COL9A2: variants seen among roughly 807,000 people sequenced by gnomAD.
The protein encoded by COL9A2 is collagen type IX alpha 2 chain, also known as collagen alpha-2(IX) chain.
Under a neutral mutation model 111.6 loss-of-function variants are expected in COL9A2, and 66 were observed. That is an observed-to-expected ratio of 0.59 (90% CI 0.48 to 0.73). The LOEUF is 0.73. Ranked by LOEUF, COL9A2 falls within the 30% of genes least tolerant of loss-of-function variation. COL9A2 has a pLI of 0.00. For synonymous variants in COL9A2, 353 were observed against 364.1 expected (o/e 0.97, Z 0.35); for missense variants, 881 against 954.1 (o/e 0.92, Z 1.01).
intron 31 of COL9A2, 116 bp from the exon 32 acceptor site, chr1:40,301,497 G>A: frequency 1.2e-6 from 1 of 860,194 alleles, no homozygotes; most frequent in Non-Finnish European, 1.8e-6. Context: ...ATAGGAGAAA[G>A]GACTCTGCCC....
chr1:40,310,784 A>T lies in COL9A2; in HGVS notation c.631-17T>A, dbSNP rs1171744866. ...CTTGGGACCCTAAAGGGCAGGGATG[A>T]GCTGTCAGACAGGCAGGCAGATGGA... On this transcript the variant is annotated splice_polypyrimidine_tract_variant and intron_variant, in intron 12 of 31. Coordinates refer to ENST00000372748, the MANE Select transcript of COL9A2 (RefSeq NM_001852.4). This position sits in a 1 kb window ranked among gnomAD's most constrained non-coding sequence, Gnocchi z 4.9. 6 of 1,556,846 alleles carry T rather than the reference A, an allele frequency of 3.9e-6. No homozygotes were observed. The African/African-American group carries it at 5.5e-5, about 14-fold the overall frequency.
rs760534475 is a variant in COL9A2 at position 40,306,127 on chromosome 1, C to T, written c.1053+16G>A. ...CTTCCTTGCTCAATTCTGTCCCCAGCTTGGGATCGCCTCACCTGGTCTCCA... is the reference window on the plus strand; with the variant it reads ...CTTCCTTGCTCAATTCTGTCCCCAGTTTGGGATCGCCTCACCTGGTCTCCA... On this transcript the variant is annotated intron_variant, in intron 20 of 31. Transcript: ENST00000372748. The T allele has an allele frequency of 1.9e-6, 3 of 1,614,034 alleles. No homozygotes were observed. Among genetic ancestry groups the T allele is most frequent in the African/African-American group, 1.3e-5 (1 of 74,930 alleles).
At chr1:40,305,059 TTC>T (rs1231579496) in intron 21 of COL9A2, 6,316 of 327,708 alleles carry the variant, frequency 0.019, 38 homozygotes, top group South Asian at 0.023. Flanking sequence ...ATTTCTTTCT[TTC>T]TTTTTTTTTT....
Position 40,303,442 on chromosome 1 carries a change from C to T in COL9A2, c.1548+88G>A, listed in dbSNP as rs1643947912. On this transcript the variant is annotated intron_variant, in intron 28 of 31. Coordinates refer to ENST00000372748, the MANE Select transcript of COL9A2 (RefSeq NM_001852.4). The surrounding 1 kb of genome is among the most constrained non-coding windows in gnomAD (Gnocchi z 4.6). ...CAGTCTCGGGGAAGTCGGTGAGTCT[C>T]TGGGAATCCCTAGCCTTTGGCGGGT... 6.4e-7 allele frequency: 1 copy of T among 1,561,440 alleles called. No homozygotes were observed. The highest frequency in any genetic ancestry group is 2.3e-5 in the East Asian group (1 of 43,030).
Position 40,303,013 on chromosome 1 carries a change from G to A in COL9A2, c.1603+118C>T. On this transcript the variant is annotated intron_variant, in intron 29 of 31. Transcript: ENST00000372748. The surrounding 1 kb of genome is among the most constrained non-coding windows in gnomAD (Gnocchi z 4.6). ...CCCAAAACCCTTCAGAGACTGGACT[G>A]GAAGGAGCCCCCAGGACTCCAGATT... 1 of 1,189,928 alleles carries A rather than the reference G, an allele frequency of 8.4e-7. No individual in the cohort carries two copies. The highest frequency in any genetic ancestry group is 1.2e-6 in the Non-Finnish European group (1 of 822,956). 73.7% of individuals were successfully genotyped at this position (1,189,928 alleles called of 1,614,324 possible). A position where few individuals can be genotyped will look rare whatever the true frequency, so the allele number is the denominator to read the frequency against.
rs759804828 is a variant in COL9A2, at chr1:40,311,652, G to A, written c.471+10C>T. 6.2e-7 allele frequency: 1 copy of A among 1,613,966 alleles called. No individual in the cohort carries two copies. Among genetic ancestry groups the A allele is most frequent in the South Asian group, 1.1e-5 (1 of 91,072 alleles). ...GCACTTTGCCATGTCGGGGGTCTGG[G>A]GACACTTACAGGTTTCCCAGGGGGT... On this transcript the variant is annotated intron_variant, in intron 9 of 31. Coordinates refer to ENST00000372748, the MANE Select transcript of COL9A2 (RefSeq NM_001852.4). The surrounding 1 kb of genome is among the most constrained non-coding windows in gnomAD (Gnocchi z 5.1).
In COL9A2 at chr1:40,311,498, A is replaced by G; in HGVS notation, c.519+2T>C. On this transcript the variant is annotated splice_donor_variant, in intron 10 of 31. Coordinates refer to ENST00000372748, the MANE Select transcript of COL9A2 (RefSeq NM_001852.4). LOFTEE classifies it high-confidence loss of function. The surrounding 1 kb of genome is among the most constrained non-coding windows in gnomAD (Gnocchi z 5.1). ...AGCCCCGCCCCAGACCTCGTCTCTCACCAGGAAATCCGCACTGCCTTCCAG... is the reference window on the plus strand; with the variant it reads ...AGCCCCGCCCCAGACCTCGTCTCTCGCCAGGAAATCCGCACTGCCTTCCAG... 1.3e-6 allele frequency: 2 copies of G among 1,577,164 alleles called. No homozygotes were observed. The highest frequency in any genetic ancestry group is 1.7e-6 in the Non-Finnish European group (2 of 1,164,278).
Position 40,310,944 on chromosome 1 carries a change from G to A in COL9A2, c.630+149C>T. On this transcript the variant is annotated intron_variant, in intron 12 of 31. Transcript: ENST00000372748. The surrounding 1 kb of genome is among the most constrained non-coding windows in gnomAD (Gnocchi z 4.9). ...AGCAAGGAGACATGACCAGAGACAT[G>A]CCGACCTGGAGCACAGGCCTCCAGC... 2 of 1,162,506 alleles carry A rather than the reference G, an allele frequency of 1.7e-6. No individual in the cohort carries two copies. Among genetic ancestry groups the A allele is most frequent in the Non-Finnish European group, 2.5e-6 (2 of 784,868 alleles). 72.0% of individuals were successfully genotyped at this position (1,162,506 alleles called of 1,614,324 possible). A position where few individuals can be genotyped will look rare whatever the true frequency, so the allele number is the denominator to read the frequency against.
Position 40,300,772 on chromosome 1 carries a change from G to T in COL9A2, c.*410C>A. 5.2e-6 allele frequency: 1 copy of T among 192,332 alleles called. No individual in the cohort carries two copies. Among genetic ancestry groups the T allele is most frequent in the South Asian group, 1.0e-4 (1 of 9,992 alleles). 11.9% of individuals were successfully genotyped at this position (192,332 alleles called of 1,614,324 possible). On this transcript the variant is annotated 3_prime_UTR_variant, in exon 32 of 32. Transcript: ENST00000372748. The surrounding 1 kb of genome is among the most constrained non-coding windows in gnomAD (Gnocchi z 4.4). ...GAACTGGCATAGACCTCAGTCATTG[G>T]TCCTCAAGCTGAGGGGTGGAACTGT...
rs897974699 is a variant in COL9A2, at chr1:40,306,338, C to T, written c.1009-151G>A. The stretch of plus-strand genomic sequence containing the variant: ...CCACGGCATGATGAACTTAACTGTA[C>T]ATTCCCACAGTGGTGGCAGAGGAGT... On this transcript the variant is annotated intron_variant, in intron 19 of 31. Transcript: ENST00000372748. 6 of 829,922 alleles carry T rather than the reference C, an allele frequency of 7.2e-6. No homozygotes were observed. In the African/African-American group the frequency reaches 1.0e-4, roughly 14 times the overall value. The allele number at this position is 829,922 out of a possible 1,614,324, so 51.4% of individuals were successfully genotyped here.
At chr1:40,315,375 C>T (rs1644201641) in intron 2 of COL9A2, 10 of 1,386,984 alleles carry the variant, frequency 7.2e-6, no homozygotes, top group South Asian at 1.7e-5. Flanking sequence ...AGCTCCTTGT[C>T]TGTCGGCGGC....
rs778302764 is a variant in COL9A2, at chr1:40,301,134, T to C, written c.*48A>G. The C allele has an allele frequency of 3.7e-6, 6 of 1,603,104 alleles. No homozygotes were observed. The highest frequency in any genetic ancestry group is 2.2e-5 in the South Asian group (2 of 90,570). The stretch of plus-strand genomic sequence containing the variant: ...GGTGCATGTCCACCCAGAGGGGACC[T>C]GGTCCTTCCCGCCAGGATGCCTGCC... On this transcript the variant is annotated 3_prime_UTR_variant, in exon 32 of 32. Coordinates refer to ENST00000372748, the MANE Select transcript of COL9A2 (RefSeq NM_001852.4).
chr1:40,303,406 G>A lies in COL9A2; in HGVS notation c.1548+124C>T, dbSNP rs1643947095. ...ACTCACAGCCTTCCTGTCTGCTCTG[G>A]GGCTTGGAACCAGTCTCGGGGAAGT... On this transcript the variant is annotated intron_variant, in intron 28 of 31. Coordinates refer to ENST00000372748, the MANE Select transcript of COL9A2 (RefSeq NM_001852.4). This position sits in a 1 kb window ranked among gnomAD's most constrained non-coding sequence, Gnocchi z 4.6. 7.1e-7 allele frequency: 1 copy of A among 1,405,022 alleles called. No homozygotes were observed. Among genetic ancestry groups the A allele is most frequent in the Admixed American group, 2.0e-5 (1 of 51,174 alleles). The allele number at this position is 1,405,022 out of a possible 1,614,324, so 87.0% of individuals were successfully genotyped here.
In COL9A2 at chr1:40,303,175, G is replaced by T. The variant is rs1569703148; in HGVS notation, c.1559C>A (p.Ala520Asp). 6.2e-7 allele frequency: 1 copy of T among 1,611,544 alleles called. No homozygotes were observed. The highest frequency in any genetic ancestry group is 8.5e-7 in the Non-Finnish European group (1 of 1,178,968). Residue 520 changes from alanine to aspartate, a missense_variant, in exon 29 of 32, where the codon GCC (alanine) becomes GAC (aspartate). Ala to Asp is a moderately radical substitution (Grantham distance 126). Transcript: ENST00000372748. This position sits in a 1 kb window ranked among gnomAD's most constrained non-coding sequence, Gnocchi z 4.6. ...PGRQGVEGRD[A>D]TDQHIVDVAL... ...CACATCCACGATGTGCTGGTCAGTG[G>T]CATCCCGGCCCTGAAAGCAGAGGCC...
chr1:40,303,993 C>T lies in COL9A2; in HGVS notation c.1324-21G>A, dbSNP rs1569710454. On this transcript the variant is annotated intron_variant, in intron 25 of 31. Coordinates refer to ENST00000372748, the MANE Select transcript of COL9A2 (RefSeq NM_001852.4). The surrounding 1 kb of genome is among the most constrained non-coding windows in gnomAD (Gnocchi z 4.6). ...TCACCCTGCAGAGAGAACCACGGGT[C>T]AGACGCGCGGTGGCGGCGGGGACGC... 1 of 1,568,412 alleles carries T rather than the reference C, an allele frequency of 6.4e-7. No individual in the cohort carries two copies. The highest frequency in any genetic ancestry group is 1.2e-5 in the South Asian group (1 of 85,414).
chr1:40,309,808 T>TCA (rs768359401), intron 16 of COL9A2, 130 bp downstream of exon 16: 5 of 882,228 alleles, frequency 5.7e-6, no homozygotes, highest in African/African-American at 3.3e-5. Context: ...CACTACACAC[T>TCA]CACACACACT....
intron 16 of COL9A2, 129 bp downstream of exon 16, chr1:40,309,809 C>T (rs975310489): frequency 5.6e-6 from 5 of 899,006 alleles, no homozygotes; most frequent in South Asian, 5.3e-5. Flanking sequence ...ACTACACACT[C>T]ACACACACTA....
chr1:40,313,182 C>T (rs78453743), intron 4 of COL9A2, among the ~76,000 whole-genome samples: 16,678 of 131,338 alleles, frequency 0.13, 1,328 homozygotes, highest in East Asian at 0.24. Flanking sequence ...TTTTTTTTTT[C>T]AATTGAGACA....
Position 40,303,302 on chromosome 1 carries a change from C to T in COL9A2, c.1549-117G>A. The T allele has an allele frequency of 8.2e-7, 1 of 1,215,548 alleles. No individual in the cohort carries two copies. The highest frequency in any genetic ancestry group is 1.3e-5 in the South Asian group (1 of 75,020). The allele number at this position is 1,215,548 out of a possible 1,614,324, so 75.3% of individuals were successfully genotyped here. Reference sequence around the variant, plus strand: ...AGACTCTGGTGTTGAGTCATTAATTCCCAAGCTGAGGAACAGATTGTACCT... The same window carrying T: ...AGACTCTGGTGTTGAGTCATTAATTTCCAAGCTGAGGAACAGATTGTACCT... On this transcript the variant is annotated intron_variant, in intron 28 of 31. Transcript: ENST00000372748. The surrounding 1 kb of genome is among the most constrained non-coding windows in gnomAD (Gnocchi z 4.6).
Sources: allele counts gnomAD v4.1 joint callset (sites outside exome capture counted in the v4.1 genomes callset), GRCh38; gene constraint gnomAD v4.1.1; non-coding constraint Gnocchi (gnomAD v3.1); transcripts MANE v1.5; gene names NCBI Gene and HGNC (gene_info 2026-07-23, HGNC 2026-07-21).